The following TRIM59 variants were observed in gnomAD, a reference collection of about 807,000 sequenced individuals.
TRIM59 encodes tripartite motif containing 59.
A neutral mutation model predicts 32.2 loss-of-function variants in TRIM59; 14 were observed. The observed-to-expected ratio is 0.43, with a 90% CI of 0.29 to 0.68. The LOEUF is 0.68. Among genes scored for constraint, TRIM59 ranks in the 30% least tolerant of loss-of-function variants. The probability of loss-of-function intolerance (pLI) is 0.15; values close to 1 mark genes in which losing one functional copy is unlikely to be tolerated. For missense variants in TRIM59, 471 were observed against 463.3 expected, an observed-to-expected ratio of 1.02 and a Z score of -0.15; for synonymous variants, 163 against 155.1, an observed-to-expected ratio of 1.05 and a Z score of -0.38.
intron 2 of TRIM59, chr3:160,447,804 C>A (rs1299623647): frequency 3.3e-5 from 5 of 152,200 alleles, no homozygotes; most frequent in African/African-American, 1.2e-4. Flanking sequence ...TCAAGTGGTG[C>A]CACCACCCAA....
chr3:160,447,776 C>A (rs1348438960), intron 2 of TRIM59: 2 of 152,204 alleles, frequency 1.3e-5, no homozygotes, highest in Non-Finnish European at 2.9e-5. Flanking sequence ...AGTGAGTCAG[C>A]TTTAAGTATG....
In TRIM59 at chr3:160,437,359, T is replaced by A. The variant is rs77247289; in HGVS notation, c.*613A>T. 748 of 984,414 alleles carry A rather than the reference T, an allele frequency of 7.6e-4. 3 individuals are homozygous for A. The African/African-American group carries it at 0.012, about 16-fold the overall frequency. The allele number at this position is 984,414 out of a possible 1,614,324, so 61.0% of individuals were successfully genotyped here. A position where few individuals can be genotyped will look rare whatever the true frequency, so the allele number is the denominator to read the frequency against. The stretch of plus-strand genomic sequence containing the variant: ...ACAAGGTGAGACCCAGTCTCAAAAA[T>A]TTCTTTTAAAAAGCCACTTTACTCT... On this transcript the variant is annotated 3_prime_UTR_variant, in exon 3 of 3. Transcript: ENST00000309784.
rs1243019542 is a variant in TRIM59, at chr3:160,437,840, CAACA to C, written c.*128_*131del. On this transcript the variant is annotated 3_prime_UTR_variant, in exon 3 of 3. Transcript: ENST00000309784. The stretch of plus-strand genomic sequence containing the variant: ...ACATATCATTGCTAACCAAAAGAAG[CAACA>C]AATATAAACATTTGTTTATATTAGT... 2 of 1,289,212 alleles carry C rather than the reference CAACA, an allele frequency of 1.6e-6. No homozygotes were observed. The highest frequency in any genetic ancestry group is 3.1e-5 in the South Asian group (1 of 32,516). The allele number at this position is 1,289,212 out of a possible 1,614,324, so 79.9% of individuals were successfully genotyped here. A position where few individuals can be genotyped will look rare whatever the true frequency, so the allele number is the denominator to read the frequency against.
rs545017942 is a variant in TRIM59, at chr3:160,437,613, C to CTA, written c.*357_*358dup. 4 of 990,014 alleles carry CTA rather than the reference C, an allele frequency of 4.0e-6. No homozygotes were observed. Among genetic ancestry groups the CTA allele is most frequent in the Non-Finnish European group, 4.8e-6 (4 of 833,010 alleles). The allele number at this position is 990,014 out of a possible 1,614,324, so 61.3% of individuals were successfully genotyped here. ...AGGTATATGTTCTTTCAGGATTTTG[C>CTA]TATATATATAAAGAACTGTAAAGCC... On this transcript the variant is annotated 3_prime_UTR_variant, in exon 3 of 3. Transcript: ENST00000309784.
At position 160,439,296 on chromosome 3, in the gene TRIM59, G is replaced by A. The variant is rs887446556; in HGVS notation, c.-3-110C>T. On this transcript the variant is annotated intron_variant, in intron 2 of 2. Coordinates refer to ENST00000309784, the MANE Select transcript of TRIM59 (RefSeq NM_173084.3). ...TTACCATACTGCTTGTCATTTAAAA[G>A]AGAACAAGGTATTTTTAAAATGAAG... is the stretch of plus-strand genomic sequence containing the variant. The A allele has an allele frequency of 3.5e-6, 3 of 858,234 alleles. No individual in the cohort carries two copies. The African/African-American group carries it at 5.2e-5, about 15-fold the overall frequency. 53.2% of individuals were successfully genotyped at this position (858,234 alleles called of 1,614,324 possible).
chr3:160,435,840 G>C lies in TRIM59; in HGVS notation c.*2132C>G. 1.4e-6 allele frequency: 1 copy of C among 711,374 alleles called. No individual in the cohort carries two copies. The highest frequency in any genetic ancestry group is 2.8e-4 in the Middle Eastern group (1 of 3,584). The allele number at this position is 711,374 out of a possible 1,614,324, so 44.1% of individuals were successfully genotyped here. ...CATGAACTCTGAAAAGAGAATGCATGGGTTTTCTCACAGCTATATGGCCTT... is the reference window on the plus strand; with the variant it reads ...CATGAACTCTGAAAAGAGAATGCATCGGTTTTCTCACAGCTATATGGCCTT... On this transcript the variant is annotated 3_prime_UTR_variant, in exon 3 of 3. Transcript: ENST00000309784.
In TRIM59 at chr3:160,438,808, G is replaced by C; in HGVS notation, c.376C>G (p.His126Asp). Residue 126 changes from histidine (H) to aspartate (D), a missense_variant, in exon 3 of 3, where the codon CAT (histidine) becomes GAT (aspartate). By Grantham distance (81) the His-to-Asp change is moderately conservative. Transcript: ENST00000309784. ...VCGHCLTIGQHHGHPIDDLQS... is the reference protein window; with the variant it reads ...VCGHCLTIGQDHGHPIDDLQS... ...AGGTCATCTATAGGATGACCATGAT[G>C]TTGACCTATGGTAAGGCAATGACCA... is the stretch of plus-strand genomic sequence containing the variant. 1 of 1,613,878 alleles carries C rather than the reference G, an allele frequency of 6.2e-7. No individual in the cohort carries two copies. Among genetic ancestry groups the C allele is most frequent in the Non-Finnish European group, 8.5e-7 (1 of 1,179,868 alleles).
chr3:160,441,335 T>A (rs1719225920), intron 2 of TRIM59, among the ~76,000 whole-genome samples: 1 of 152,260 alleles, frequency 6.6e-6, no homozygotes, highest in South Asian at 2.1e-4. Context: ...ACTGCTTCAA[T>A]GAACAAATGC....
In TRIM59 at chr3:160,436,006, T is replaced by C. The variant is rs972533147; in HGVS notation, c.*1966A>G. 2 of 1,241,710 alleles carry C rather than the reference T, an allele frequency of 1.6e-6. No individual in the cohort carries two copies. The highest frequency in any genetic ancestry group is 3.1e-5 in the African/African-American group (2 of 64,298). 76.9% of individuals were successfully genotyped at this position (1,241,710 alleles called of 1,614,324 possible). A position where few individuals can be genotyped will look rare whatever the true frequency, so the allele number is the denominator to read the frequency against. On this transcript the variant is annotated 3_prime_UTR_variant, in exon 3 of 3. Transcript: ENST00000309784. ...TTTTTGAAACTACAGGGCACTTTTA[T>C]GGTGTGACTAGTATTTTAAGTAATC...
At chr3:160,443,764 C>G (rs997702120) in intron 2 of TRIM59, among the ~76,000 whole-genome samples, 2 of 152,044 alleles carry the variant, frequency 1.3e-5, no homozygotes, top group Admixed American at 6.6e-5. Context: ...CTCAGCTTCC[C>G]GAGCAGCTAG....
chr3:160,440,369 G>C (rs1437965296), intron 2 of TRIM59, among the ~76,000 whole-genome samples: 1 of 152,168 alleles, frequency 6.6e-6, no homozygotes, highest in Non-Finnish European at 1.5e-5. Context: ...GTATTTCTCT[G>C]AGACAGAAAA....
intron 2 of TRIM59, among the ~76,000 whole-genome samples, chr3:160,446,708 G>C (rs567056238): frequency 6.6e-6 from 1 of 152,252 alleles, no homozygotes; most frequent in South Asian, 2.1e-4. Context: ...CCCCCACCAT[G>C]GTGGCGGGCA....
In TRIM59 at chr3:160,437,466, G is replaced by T; in HGVS notation, c.*506C>A. The T allele has an allele frequency of 1.0e-6, 1 of 984,850 alleles. No homozygotes were observed. Among genetic ancestry groups the T allele is most frequent in the Non-Finnish European group, 1.2e-6 (1 of 829,430 alleles). 61.0% of individuals were successfully genotyped at this position (984,850 alleles called of 1,614,324 possible). On this transcript the variant is annotated 3_prime_UTR_variant, in exon 3 of 3. Coordinates refer to ENST00000309784, the MANE Select transcript of TRIM59 (RefSeq NM_173084.3). The stretch of plus-strand genomic sequence containing the variant: ...GCTCTTAAATCTATCTCAAACACAG[G>T]TATGTTTGATCAAAAGATCTTTAAG...
intron 2 of TRIM59, among the ~76,000 whole-genome samples, chr3:160,441,753 C>CAAAAAAAAA (rs538957200): frequency 2.0e-5 from 1 of 50,086 alleles, no homozygotes; most frequent in African/African-American, 6.1e-5. Context: ...GACTCCATCT[C>CAAAAAAAAA]AAAAAAAAAA....
At chr3:160,441,806 C>G (rs1719268100) in intron 2 of TRIM59, among the ~76,000 whole-genome samples, 1 of 147,700 alleles carries the variant, frequency 6.8e-6, no homozygotes, top group Non-Finnish European at 1.5e-5. Flanking sequence ...TTCAAACTGA[C>G]AATATTCAGA....
Position 160,437,886 on chromosome 3 carries a change from C to A in TRIM59, c.*86G>T. On this transcript the variant is annotated 3_prime_UTR_variant, in exon 3 of 3. Coordinates refer to ENST00000309784, the MANE Select transcript of TRIM59 (RefSeq NM_173084.3). ...TATATTAGTTGCAGCACTAATAAAG[C>A]TTAGTTTGCTCTTTATCCATGCTAC... 7.2e-7 allele frequency: 1 copy of A among 1,398,502 alleles called. No homozygotes were observed. Among genetic ancestry groups the A allele is most frequent in the South Asian group, 2.1e-5 (1 of 48,064 alleles). 86.6% of individuals were successfully genotyped at this position (1,398,502 alleles called of 1,614,324 possible). A position where few individuals can be genotyped will look rare whatever the true frequency, so the allele number is the denominator to read the frequency against.
chr3:160,436,385 CT>C lies in TRIM59; in HGVS notation c.*1586del. The C allele has an allele frequency of 1.0e-6, 1 of 986,124 alleles. No individual in the cohort carries two copies. The highest frequency in any genetic ancestry group is 1.2e-6 in the Non-Finnish European group (1 of 830,156). The allele number at this position is 986,124 out of a possible 1,614,324, so 61.1% of individuals were successfully genotyped here. A position where few individuals can be genotyped will look rare whatever the true frequency, so the allele number is the denominator to read the frequency against. ...TTTCTGGAAAGCAAATCAACCTGCA[CT>C]TAGAGTTGCATGGACAGTGGGCCAA... is the stretch of plus-strand genomic sequence containing the variant. On this transcript the variant is annotated 3_prime_UTR_variant, in exon 3 of 3. Transcript: ENST00000309784.
In TRIM59 at chr3:160,449,767, A is replaced by C. The variant is rs1305065885; in HGVS notation, c.-124T>G. The C allele has an allele frequency of 7.8e-7, 1 of 1,280,392 alleles. No individual in the cohort carries two copies. The highest frequency in any genetic ancestry group is 1.0e-6 in the Non-Finnish European group (1 of 980,366). The allele number at this position is 1,280,392 out of a possible 1,614,324, so 79.3% of individuals were successfully genotyped here. A position where few individuals can be genotyped will look rare whatever the true frequency, so the allele number is the denominator to read the frequency against. On this transcript the variant is annotated 5_prime_UTR_variant, in exon 1 of 3. Transcript: ENST00000309784. The stretch of plus-strand genomic sequence containing the variant: ...CTCCACAGCACGGAAACACAGCGCC[A>C]CGAGCTCCAGGCGGATGCTGAGAGC...
rs1718919784 is a variant in TRIM59, at chr3:160,435,963, C to A, written c.*2009G>T. 1 of 1,276,990 alleles carries A rather than the reference C, an allele frequency of 7.8e-7. No homozygotes were observed. Among genetic ancestry groups the A allele is most frequent in the Non-Finnish European group, 1.0e-6 (1 of 983,860 alleles). The allele number at this position is 1,276,990 out of a possible 1,614,324, so 79.1% of individuals were successfully genotyped here. ...AAGTAGTTTAACACATAATGGCTAA[C>A]ATTTCATTGCTTACGTGTTTTTGAA... On this transcript the variant is annotated 3_prime_UTR_variant, in exon 3 of 3. Transcript: ENST00000309784.
Sources: gnomAD v4.1 joint callset for allele counts (sites outside exome capture counted in the v4.1 genomes callset) on GRCh38, gnomAD v4.1.1 for gene constraint, MANE v1.5 for transcripts, NCBI Gene and HGNC (gene_info 2026-07-23, HGNC 2026-07-21) for gene names.